OR2L13: variants seen among roughly 807,000 people sequenced by gnomAD.
OR2L13 encodes olfactory receptor family 2 subfamily L member 13, also known as olfactory receptor 2L13.
OR2L13 carries 14 observed loss-of-function variants against 15.3 expected under a neutral mutation model. The ratio of observed to expected loss-of-function variants is 0.91; its 90% CI spans 0.60 to 1.43. The LOEUF is 1.43. Ranked by LOEUF, OR2L13 falls within the 40% of genes most tolerant of loss-of-function variation. The probability of loss-of-function intolerance (pLI) is 0.00; values close to 1 mark genes in which losing one functional copy is unlikely to be tolerated. For missense variants in OR2L13, 367 were observed against 387.9 expected, an observed-to-expected ratio of 0.95 and a Z score of 0.45; for synonymous variants, 152 against 142.9, an observed-to-expected ratio of 1.06 and a Z score of -0.45.
chr1:248,067,461 A>C, the OR2L13 span, among the ~76,000 whole-genome samples: 1 of 152,226 alleles, frequency 6.6e-6, no homozygotes, highest in South Asian at 2.1e-4. Context: ...TGCTCATATT[A>C]TTCTTTTTGT....
chr1:247,983,753 A>G, the OR2L13 span, among the ~76,000 whole-genome samples: 7 of 152,240 alleles, frequency 4.6e-5, no homozygotes, highest in Non-Finnish European at 8.8e-5. Context: ...CACAGAACAT[A>G]TCTCCTGCCA....
the OR2L13 span, among the ~76,000 whole-genome samples, chr1:247,966,744 G>A: frequency 2.0e-5 from 3 of 152,216 alleles, no homozygotes; most frequent in African/African-American, 4.8e-5. Flanking sequence ...TCTGCTGATC[G>A]GCAAACTTAA....
chr1:247,968,986 C>T, the OR2L13 span, among the ~76,000 whole-genome samples: 1 of 152,314 alleles, frequency 6.6e-6, no homozygotes, highest in South Asian at 2.1e-4. Context: ...TCCTATTTCT[C>T]CACATCCTCT....
At chr1:248,035,531 C>T in the OR2L13 span, 7 of 152,126 alleles carry the variant, frequency 4.6e-5, no homozygotes, top group East Asian at 1.4e-3. Flanking sequence ...TTTTACATCA[C>T]TTTAATGTTT....
At chr1:248,005,590 A>G in the OR2L13 span, among the ~76,000 whole-genome samples, 3 of 152,128 alleles carry the variant, frequency 2.0e-5, no homozygotes, top group Admixed American at 1.3e-4. Flanking sequence ...GCAGAATGTC[A>G]TTGGTATTTT....
the OR2L13 span, among the ~76,000 whole-genome samples, chr1:247,948,523 A>G: frequency 4.6e-5 from 7 of 152,164 alleles, no homozygotes; most frequent in Non-Finnish European, 7.3e-5. Context: ...TCTTTTTTCA[A>G]AATAGGTAAA....
At chr1:247,992,306 G>A in the OR2L13 span, among the ~76,000 whole-genome samples, 5 of 152,270 alleles carry the variant, frequency 3.3e-5, no homozygotes, top group East Asian at 3.9e-4. Context: ...AATTATTTAT[G>A]TTATTTTTTA....
the OR2L13 span, chr1:248,003,579 T>C: frequency 1.2e-6 from 2 of 1,612,506 alleles, no homozygotes; most frequent in Non-Finnish European, 1.7e-6. Context: ...TCTTGGATCA[T>C]AGGCTCGATC....
At chr1:248,052,130 T>C in the OR2L13 span, among the ~76,000 whole-genome samples, 1 of 152,204 alleles carries the variant, frequency 6.6e-6, no homozygotes, top group African/African-American at 2.4e-5. Context: ...TTATTCGACA[T>C]TTTCACCAAC....
At chr1:247,965,762 C>A in the OR2L13 span, 1 of 1,580,142 alleles carries the variant, frequency 6.3e-7, no homozygotes, top group East Asian at 2.2e-5. Context: ...ATCTGTCACC[C>A]TTTACATTAT....
At chr1:248,022,992 A>G in the OR2L13 span, 4 of 1,036,146 alleles carry the variant, frequency 3.9e-6, no homozygotes, top group Non-Finnish European at 5.6e-6. Flanking sequence ...AACAGAGATT[A>G]ATCCAGAATG....
chr1:248,060,740 C>A, the OR2L13 span: 10 of 1,613,964 alleles, frequency 6.2e-6, no homozygotes, highest in East Asian at 2.2e-4. Flanking sequence ...TTCCCACCAT[C>A]AAGAATTGGC....
At chr1:248,068,843 C>G in the OR2L13 span, among the ~76,000 whole-genome samples, 218 of 151,974 alleles carry the variant, frequency 1.4e-3, no homozygotes, top group Admixed American at 2.6e-3. Context: ...GCCTCAGGAG[C>G]CGATGCAATC....
At chr1:248,048,340 A>G in the OR2L13 span, among the ~76,000 whole-genome samples, 1 of 152,236 alleles carries the variant, frequency 6.6e-6, no homozygotes, top group Non-Finnish European at 1.5e-5. Context: ...TTGTGTAAAT[A>G]TTAAATAAGA....
At chr1:248,044,018 C>T in the OR2L13 span, among the ~76,000 whole-genome samples, 2 of 152,170 alleles carry the variant, frequency 1.3e-5, no homozygotes, top group Non-Finnish European at 2.9e-5. Flanking sequence ...CATTGTCAAT[C>T]TGTTTCCTTA....
chr1:247,962,955 G>C, the OR2L13 span, among the ~76,000 whole-genome samples: 1 of 152,022 alleles, frequency 6.6e-6, no homozygotes, highest in Admixed American at 6.6e-5. Context: ...TGAAGAAATA[G>C]ATAAGTTTGG....
the OR2L13 span, chr1:248,060,663 A>ATGCCCC: frequency 6.3e-7 from 1 of 1,588,866 alleles, no homozygotes; most frequent in Non-Finnish European, 8.6e-7. Context: ...CCCTTCAGGA[A>ATGCCCC]AGAGCACACG....
the OR2L13 span, among the ~76,000 whole-genome samples, chr1:248,051,599 AG>A: frequency 6.6e-6 from 1 of 152,140 alleles, no homozygotes; most frequent in Non-Finnish European, 1.5e-5. Flanking sequence ...AGAGTGAGGG[AG>A]GAGGCAAGGG....
the OR2L13 span, among the ~76,000 whole-genome samples, chr1:248,024,848 C>G: frequency 6.6e-6 from 1 of 152,118 alleles, no homozygotes; most frequent in South Asian, 2.1e-4. Flanking sequence ...TGTGATGCCC[C>G]CAGCTTTGTT....
Sources: gnomAD v4.1 joint callset for allele counts (sites outside exome capture counted in the v4.1 genomes callset) on GRCh38, gnomAD v4.1.1 for gene constraint, MANE v1.5 for transcripts, NCBI Gene and HGNC (gene_info 2026-07-23, HGNC 2026-07-21) for gene names.